CCDC88C: variants seen among roughly 807,000 people sequenced by gnomAD.
CCDC88C encodes protein Daple.
In CCDC88C, 131 loss-of-function variants were observed where a neutral mutation model predicts 198.8. The observed-to-expected ratio is 0.66, with a 90% confidence interval of 0.57 to 0.76. The LOEUF is 0.76. Ranked by LOEUF, CCDC88C falls within the 30% of genes least tolerant of loss-of-function variation. CCDC88C has a pLI of 0.00. For synonymous variants in CCDC88C, 1,166 were observed against 1,114.7 expected (o/e 1.05, Z -0.92); for missense variants, 2,553 against 2,631.6 (o/e 0.97, Z 0.65).
At chr14:91,289,014 C>T (rs987768804) in intron 25 of CCDC88C, 91 bp downstream of exon 25, 21 of 1,039,544 alleles carry the variant, frequency 2.0e-5, no homozygotes, top group South Asian at 4.0e-5. Flanking sequence ...ACCCCTGGCA[C>T]GTTCCTGCAC....
chr14:91,338,673 C>A lies in CCDC88C; in HGVS notation c.810-103G>T. 1 of 872,464 alleles carries A rather than the reference C, an allele frequency of 1.1e-6. No individual in the cohort carries two copies. The highest frequency in any genetic ancestry group is 1.9e-6 in the Non-Finnish European group (1 of 539,684). The allele number at this position is 872,464 out of a possible 1,614,324, so 54.0% of individuals were successfully genotyped here. A position where few individuals can be genotyped will look rare whatever the true frequency, so the allele number is the denominator to read the frequency against. On this transcript the variant is annotated intron_variant, in intron 8 of 29. Transcript: ENST00000389857. The surrounding 1 kb of genome is among the most constrained non-coding windows in gnomAD (Gnocchi z 4.8). ...TAAAACCTGTGGGAAAAGGAAAGGACTCGGGATTTGGGCGGTGGGGAGGCG... is the reference window on the plus strand; with the variant it reads ...TAAAACCTGTGGGAAAAGGAAAGGAATCGGGATTTGGGCGGTGGGGAGGCG...
Position 91,338,620 on chromosome 14 carries a change from G to T in CCDC88C, c.810-50C>A. 1.4e-6 allele frequency: 2 copies of T among 1,390,888 alleles called. No individual in the cohort carries two copies. Among genetic ancestry groups the T allele is most frequent in the Non-Finnish European group, 2.0e-6 (2 of 1,001,514 alleles). 86.2% of individuals were successfully genotyped at this position (1,390,888 alleles called of 1,614,324 possible). The stretch of plus-strand genomic sequence containing the variant: ...GTGTGGGAGGCAGCTTCCTCAACAA[G>T]CAGCCCTGGGAGCAGGCTGCCACTT... On this transcript the variant is annotated intron_variant, in intron 8 of 29. Coordinates refer to ENST00000389857, the MANE Select transcript of CCDC88C (RefSeq NM_001080414.4). The surrounding 1 kb of genome is among the most constrained non-coding windows in gnomAD (Gnocchi z 4.8).
rs371862576 is a variant in CCDC88C, at chr14:91,272,876, G to A, written c.5836C>T (p.Arg1946Cys). The A allele has an allele frequency of 4.4e-5, 70 of 1,590,516 alleles. No individual in the cohort carries two copies. Among genetic ancestry groups the A allele is most frequent in the Middle Eastern group, 3.3e-4 (2 of 6,038 alleles). The change falls in exon 30 of 30, where the codon CGC becomes TGC. Residue 1946 changes from arginine (R) to cysteine (C), a missense_variant. Physicochemically the swap from Arg to Cys is radical, Grantham distance 180. Coordinates refer to ENST00000389857, the MANE Select transcript of CCDC88C (RefSeq NM_001080414.4). The part of the protein sequence containing the change: ...AARTKPKAPP[R>C]SGEVATITPV... Reference sequence around the variant, plus strand: ...GTGATGGTGGCCACCTCCCCTGAGCGTGGGGGCGCCTTGGGCTTGGTCCTG... The same window carrying A: ...GTGATGGTGGCCACCTCCCCTGAGCATGGGGGCGCCTTGGGCTTGGTCCTG...
chr14:91,417,534 C>T, intron 1 of CCDC88C, 97 bp downstream of exon 1: 3 of 1,191,512 alleles, frequency 2.5e-6, no homozygotes, highest in South Asian at 2.8e-5. Context: ...CCCGGAGCCA[C>T]CCGGGGCCCC....
intron 2 of CCDC88C, among the ~76,000 whole-genome samples, chr14:91,411,696 C>T (rs1238400919): frequency 6.6e-6 from 1 of 152,170 alleles, no homozygotes; most frequent in East Asian, 1.9e-4. Context: ...AGCACGATGG[C>T]TCATGCCTGT....
Position 91,406,286 on chromosome 14 carries a change from C to T in CCDC88C, c.270+2373G>A, listed in dbSNP as rs556337975. Among the ~76,000 whole-genome samples, 3 of 152,312 alleles carry T rather than the reference C, an allele frequency of 2.0e-5. No homozygotes were observed. In the East Asian group the frequency reaches 5.8e-4, roughly 29 times the overall value. ...GGCCAGAGGATGGCATTTCTATGGC[C>T]AAACAGCTTGCAGCAAGAGCCTCAC... On this transcript the variant is annotated intron_variant, in intron 3 of 29. Coordinates refer to ENST00000389857, the MANE Select transcript of CCDC88C (RefSeq NM_001080414.4).
chr14:91,397,489 T>C (rs567018599), intron 3 of CCDC88C, among the ~76,000 whole-genome samples: 2 of 152,198 alleles, frequency 1.3e-5, no homozygotes, highest in African/African-American at 2.4e-5. Context: ...CTCACACTCA[T>C]ACTCACACAC....
intron 21 of CCDC88C, 88 bp from the exon 22 acceptor site, chr14:91,297,579 G>T: frequency 7.4e-7 from 1 of 1,350,932 alleles, no homozygotes. Flanking sequence ...TCCCAGCTCT[G>T]ACAGTGGCAG....
At position 91,299,974 on chromosome 14, in the gene CCDC88C, G is replaced by A. The variant is rs752414437; in HGVS notation, c.3732C>T (p.Asn1244=). The change falls in exon 21 of 30, where the codon AAC becomes AAT. Residue 1244 remains asparagine, a synonymous_variant. Coordinates refer to ENST00000389857, the MANE Select transcript of CCDC88C (RefSeq NM_001080414.4). ...REALQQEQRT[N]ALAMGENQRL... Reference sequence around the variant, plus strand: ...TCTGGTTCTCGCCCATGGCGAGGGCGTTTGTCCTCTGCTCCTGCTGCAGCG... The same window carrying A: ...TCTGGTTCTCGCCCATGGCGAGGGCATTTGTCCTCTGCTCCTGCTGCAGCG... The A allele has an allele frequency of 1.3e-4, 214 of 1,595,356 alleles. No homozygotes were observed. The highest frequency in any genetic ancestry group is 1.4e-4 in the Non-Finnish European group (169 of 1,172,136).
chr14:91,384,391 C>G (rs1347049924), intron 3 of CCDC88C: 3 of 492,090 alleles, frequency 6.1e-6, no homozygotes, highest in Non-Finnish European at 1.2e-5. Context: ...TCATCCTTTC[C>G]AGGGAAGCGG....
chr14:91,358,712 A>G (rs1226977490), intron 4 of CCDC88C, among the ~76,000 whole-genome samples: 1 of 152,216 alleles, frequency 6.6e-6, no homozygotes, highest in African/African-American at 2.4e-5. Flanking sequence ...TATGTTGCCC[A>G]GGCTGGTCTT....
At chr14:91,369,796 A>G (rs1567103492) in intron 3 of CCDC88C, among the ~76,000 whole-genome samples, 1 of 152,084 alleles carries the variant, frequency 6.6e-6, no homozygotes. Flanking sequence ...GTTCCACCTC[A>G]TTTCGATTAA....
chr14:91,308,709 C>T (rs1054595526), intron 16 of CCDC88C, among the ~76,000 whole-genome samples: 10 of 152,156 alleles, frequency 6.6e-5, no homozygotes, highest in African/African-American at 2.4e-4. Flanking sequence ...AAAGGCGACA[C>T]CACGGCTACA....
At chr14:91,397,174 G>T (rs1470721472) in intron 3 of CCDC88C, among the ~76,000 whole-genome samples, 1 of 152,170 alleles carries the variant, frequency 6.6e-6, no homozygotes, top group African/African-American at 2.4e-5. Context: ...GAGGTGGGCA[G>T]GTCTCCAAGC....
rs1486312378 is a variant in CCDC88C at position 91,342,479 on chromosome 14, T to C, written c.400-16A>G. 5.9e-6 allele frequency: 9 copies of C among 1,527,262 alleles called. No homozygotes were observed. Among genetic ancestry groups the C allele is most frequent in the Admixed American group, 1.9e-5 (1 of 53,936 alleles). 94.6% of individuals were successfully genotyped at this position (1,527,262 alleles called of 1,614,324 possible). A position where few individuals can be genotyped will look rare whatever the true frequency, so the allele number is the denominator to read the frequency against. ...TCCTCTCACACTGCGGAGGGTTACA[T>C]GTGTTAATGGAAGCGCTGTTCAAGT... On this transcript the variant is annotated splice_polypyrimidine_tract_variant and intron_variant, in intron 5 of 29. Transcript: ENST00000389857.
intron 3 of CCDC88C, among the ~76,000 whole-genome samples, chr14:91,369,508 T>C (rs557748794): frequency 6.6e-6 from 1 of 152,184 alleles, no homozygotes; most frequent in Non-Finnish European, 1.5e-5. Context: ...GCCCGGCCAA[T>C]TTTCTTATTT....
Position 91,299,994 on chromosome 14 carries a change from G to C in CCDC88C, c.3712C>G (p.Gln1238Glu), listed in dbSNP as rs1194860637. The C allele has an allele frequency of 6.3e-7, 1 of 1,597,906 alleles. No individual in the cohort carries two copies. The highest frequency in any genetic ancestry group is 8.5e-7 in the Non-Finnish European group (1 of 1,172,946). Residue 1238 changes from glutamine to glutamate, a missense_variant, in exon 21 of 30, where the codon CAG becomes GAG. Around this residue, in one of 2 missense-constraint regions of CCDC88C, gnomAD observed 1,293 missense variants for 1,219.6 expected, o/e 1.06. Transcript: ENST00000389857. ...AGGGCGTTTGTCCTCTGCTCCTGCT[G>C]CAGCGCCTCTCGCTCAGTGGTCAAG... The part of the protein sequence containing the change: ...KVLTTEREAL[Q>E]QEQRTNALAM...
rs758183068 is a variant in CCDC88C at position 91,289,132 on chromosome 14, C to T, written c.4414G>A (p.Asp1472Asn). 83 of 1,612,952 alleles carry T rather than the reference C, an allele frequency of 5.1e-5. No individual in the cohort carries two copies. Among genetic ancestry groups the T allele is most frequent in the Non-Finnish European group, 6.4e-5 (75 of 1,179,818 alleles). The change falls in exon 25 of 30, where the codon GAC becomes AAC. Residue 1472 changes from aspartate to asparagine, a missense_variant. Transcript: ENST00000389857. ...ALGSNCAEER[D>N]AHNGSVGKGP... ...TTCCCCACAGACCCGTTGTGGGCGT[C>T]GCGCTCTTCTGCACAGTTGGAGCCC...
At chr14:91,297,704 A>G (rs1891073181) in intron 21 of CCDC88C, among the ~76,000 whole-genome samples, 3 of 152,112 alleles carry the variant, frequency 2.0e-5, no homozygotes, top group South Asian at 4.2e-4. Context: ...TTGGGGATGC[A>G]TGAGGGTACC....
Sources: gnomAD v4.1 joint callset for allele counts (sites outside exome capture counted in the v4.1 genomes callset) on GRCh38, gnomAD v4.1.1 for gene constraint, gnomAD v4.1.1 regional missense constraint, Gnocchi (gnomAD v3.1) non-coding constraint, MANE v1.5 for transcripts, NCBI Gene and HGNC (gene_info 2026-07-23, HGNC 2026-07-21) for gene names.